LTBP1: variants seen among roughly 807,000 people sequenced by gnomAD.
LTBP1 encodes latent-transforming growth factor beta-binding protein 1.
Under a neutral mutation model 207.6 loss-of-function variants are expected in LTBP1, and 129 were observed. The ratio of observed to expected loss-of-function variants is 0.62; its 90% CI spans 0.54 to 0.72. The LOEUF (loss-of-function observed/expected upper bound fraction) is 0.72, where lower values mean the gene tolerates loss of function less well. Among genes scored for constraint, LTBP1 ranks in the 30% least tolerant of loss-of-function variants. The pLI, the probability that LTBP1 is intolerant of heterozygous loss-of-function variation, is 0.00. For synonymous variants in LTBP1, 963 were observed against 833.7 expected, an observed-to-expected ratio of 1.16 and a Z score of -2.67; for missense variants, 2,281 against 2,217.2, an observed-to-expected ratio of 1.03 and a Z score of -0.58.
At chr2:33,309,379 A>G (rs1573758369) in intron 22 of LTBP1, 55 bp from the exon 23 acceptor site, 2 of 1,311,736 alleles carry the variant, frequency 1.5e-6, no homozygotes, top group Admixed American at 2.2e-5. Context: ...AGAAATGTCT[A>G]ATTTTCCGAT....
chr2:33,289,332 ATTGT>A (rs772411732), intron 19 of LTBP1, among the ~76,000 whole-genome samples: 1 of 152,140 alleles, frequency 6.6e-6, no homozygotes, highest in East Asian at 1.9e-4. Context: ...CCATTGGTAA[ATTGT>A]TTGAGATTTA....
chr2:33,288,356 C>T (rs1023401528), intron 19 of LTBP1, among the ~76,000 whole-genome samples: 2 of 152,156 alleles, frequency 1.3e-5, no homozygotes, highest in Admixed American at 6.5e-5. Context: ...GGGCTTGAGA[C>T]AGTCTGGTAT....
Position 33,230,610 on chromosome 2 carries a change from A to G in LTBP1, c.1876+8459A>G, listed in dbSNP as rs532899329. ...ACTAGAATTAAATGAAATAATACTA[A>G]GAGCTCCTACGTCCATGCTGCTTTT... On this transcript the variant is annotated intron_variant, in intron 9 of 33. Coordinates refer to ENST00000404816, the MANE Select transcript of LTBP1 (RefSeq NM_206943.4). 1.2e-4 allele frequency among the ~76,000 whole-genome samples: 19 copies of G among 152,340 alleles called. No homozygotes were observed. The East Asian group carries it at 3.7e-3, about 29-fold the overall frequency.
chr2:33,343,014 G>C (rs1425101790), intron 25 of LTBP1, 51 bp downstream of exon 25: 1 of 1,570,492 alleles, frequency 6.4e-7, no homozygotes, highest in Non-Finnish European at 8.7e-7. Context: ...CTAGGGAAAA[G>C]AAATCACAGT....
chr2:33,014,155 A>G, intron 2 of LTBP1, among the ~76,000 whole-genome samples: 2 of 152,278 alleles, frequency 1.3e-5, no homozygotes, highest in Middle Eastern at 6.8e-3. Flanking sequence ...TTTATTAAAT[A>G]TATTGGTGAT....
chr2:32,947,779 G>A lies in LTBP1; in HGVS notation c.455G>A (p.Gly152Asp). The A allele has an allele frequency of 6.7e-7, 1 of 1,500,590 alleles. No individual in the cohort carries two copies. The highest frequency in any genetic ancestry group is 8.9e-7 in the Non-Finnish European group (1 of 1,121,776). The allele number at this position is 1,500,590 out of a possible 1,614,324, so 93.0% of individuals were successfully genotyped here. Reference sequence around the variant, plus strand: ...CCGCAGGAGACCCAGAGCGGCGGAGGCTCTAGGCTGCAGGTTCACCAGAAG... The same window carrying A: ...CCGCAGGAGACCCAGAGCGGCGGAGACTCTAGGCTGCAGGTTCACCAGAAG... The part of the protein sequence containing the change: ...KVPQETQSGG[G>D]SRLQVHQKQQ... The change falls in exon 1 of 34, where the codon GGC becomes GAC. Residue 152 changes from glycine (G) to aspartate (D), a missense_variant. This residue lies in a region of LTBP1 where 555 missense variants were observed against 491.0 expected (regional missense o/e 1.13). Transcript: ENST00000404816.
intron 32 of LTBP1, among the ~76,000 whole-genome samples, chr2:33,390,493 A>T (rs1433169488): frequency 1.4e-5 from 2 of 146,502 alleles, no homozygotes; most frequent in African/African-American, 2.5e-5. Flanking sequence ...TTCACCACAA[A>T]TTTTTTTTTT....
intron 3 of LTBP1, among the ~76,000 whole-genome samples, chr2:33,041,433 C>T (rs374463559): frequency 1.3e-5 from 2 of 152,080 alleles, no homozygotes; most frequent in Non-Finnish European, 2.9e-5. Flanking sequence ...TACAGGTGCC[C>T]GCCACCATGC....
At chr2:33,196,574 A>G (rs1278606126) in intron 7 of LTBP1, among the ~76,000 whole-genome samples, 3 of 152,192 alleles carry the variant, frequency 2.0e-5, no homozygotes, top group Non-Finnish European at 4.4e-5. Context: ...TGAGGAATCA[A>G]GCATCAGGAT....
intron 20 of LTBP1, among the ~76,000 whole-genome samples, chr2:33,296,743 A>T (rs1397828223): frequency 6.6e-6 from 1 of 152,082 alleles, no homozygotes; most frequent in African/African-American, 2.4e-5. Flanking sequence ...TGTTTTTTTA[A>T]AAAAAGGCAG....
chr2:33,300,771 G>T (rs1340886664), intron 21 of LTBP1, among the ~76,000 whole-genome samples, 198 bp downstream of exon 21: 1 of 152,104 alleles, frequency 6.6e-6, no homozygotes, highest in Admixed American at 6.5e-5. Flanking sequence ...AAAACCTATG[G>T]CATTAGCTAT....
chr2:33,170,723 C>A, intron 5 of LTBP1, among the ~76,000 whole-genome samples: 1 of 148,590 alleles, frequency 6.7e-6, no homozygotes, highest in Non-Finnish European at 1.5e-5. Flanking sequence ...GGGTCCCTGA[C>A]CCCTGACCCC....
intron 3 of LTBP1, among the ~76,000 whole-genome samples, chr2:33,025,940 G>A (rs545068314): frequency 3.3e-5 from 5 of 152,066 alleles, no homozygotes; most frequent in African/African-American, 9.7e-5. Context: ...AAAACCTAAT[G>A]CTATGATATC....
At chr2:33,092,945 C>T (rs1156591403) in intron 3 of LTBP1, among the ~76,000 whole-genome samples, 4 of 152,148 alleles carry the variant, frequency 2.6e-5, no homozygotes, top group African/African-American at 7.2e-5. Context: ...ATTCATAGAC[C>T]TGCACTCCTT....
rs2092418040 is a variant in LTBP1 at position 33,243,783 on chromosome 2, T to A, written c.1998T>A (p.Val666=). 2 of 1,613,732 alleles carry A rather than the reference T, an allele frequency of 1.2e-6. No individual in the cohort carries two copies. The highest frequency in any genetic ancestry group is 3.3e-5 in the Admixed American group (2 of 59,962). The change falls in exon 10 of 34, where the codon GTT becomes GTA. Residue 666 remains valine (V), a splice_region_variant and synonymous_variant. Coordinates refer to ENST00000404816, the MANE Select transcript of LTBP1 (RefSeq NM_206943.4). The part of the protein sequence containing the change: ...FGPDPTFSSC[V]PDPPVISEEK... ...CGGATCCTACCTTTTCAAGTTGTGTTCGTAAGTAATAATCACTTTTTATTC... is the reference window on the plus strand; with the variant it reads ...CGGATCCTACCTTTTCAAGTTGTGTACGTAAGTAATAATCACTTTTTATTC...
At chr2:33,216,631 A>G (rs948742841) in intron 7 of LTBP1, among the ~76,000 whole-genome samples, 2 of 152,158 alleles carry the variant, frequency 1.3e-5, no homozygotes, top group Admixed American at 1.3e-4. Context: ...AAGGCAGAAT[A>G]ACCCCTTGGA....
At chr2:33,087,599 A>G (rs1252087832) in intron 3 of LTBP1, among the ~76,000 whole-genome samples, 1 of 152,208 alleles carries the variant, frequency 6.6e-6, no homozygotes, top group East Asian at 1.9e-4. Context: ...ACTTCAGATC[A>G]CTTACCACTC....
At chr2:33,059,147 G>A (rs929203350) in intron 3 of LTBP1, among the ~76,000 whole-genome samples, 3 of 152,052 alleles carry the variant, frequency 2.0e-5, no homozygotes, top group Non-Finnish European at 4.4e-5. Context: ...TTTTGCCTGT[G>A]CCCATAAAAA....
At chr2:33,358,857 C>T (rs2094895386) in intron 26 of LTBP1, among the ~76,000 whole-genome samples, 1 of 152,164 alleles carries the variant, frequency 6.6e-6, no homozygotes, top group Admixed American at 6.6e-5. Context: ...AAAATACGTA[C>T]TCTTAGTTTT....
Sources: gnomAD v4.1 joint callset for allele counts (sites outside exome capture counted in the v4.1 genomes callset) on GRCh38, gnomAD v4.1.1 for gene constraint, gnomAD v4.1.1 regional missense constraint, MANE v1.5 for transcripts, NCBI Gene and HGNC (gene_info 2026-07-23, HGNC 2026-07-21) for gene names.